The following PAPSS1 variants were observed in gnomAD, a reference collection of about 807,000 sequenced individuals.
PAPSS1 encodes the protein 3'-phosphoadenosine 5'-phosphosulfate synthase 1.
A neutral mutation model predicts 72.0 loss-of-function variants in PAPSS1; 50 were observed. The observed-to-expected ratio is 0.69, with a 90% CI of 0.55 to 0.88. The LOEUF (loss-of-function observed/expected upper bound fraction) is 0.88. Ranked by LOEUF, PAPSS1 falls within the 40% of genes least tolerant of loss-of-function variation. The probability of loss-of-function intolerance (pLI) is 0.00; values close to 1 mark genes in which losing one functional copy is unlikely to be tolerated. For missense variants in PAPSS1, 657 were observed against 782.2 expected, an observed-to-expected ratio of 0.84 and a Z score of 1.91; for synonymous variants, 261 against 263.6, an observed-to-expected ratio of 0.99 and a Z score of 0.09.
intron 5 of PAPSS1, among the ~76,000 whole-genome samples, chr4:107,680,109 G>A (rs1224983287): frequency 2.6e-5 from 4 of 151,954 alleles, no homozygotes; most frequent in Non-Finnish European, 5.9e-5. Flanking sequence ...TGTAACTAGA[G>A]TCCCAGAAGA....
At chr4:107,665,016 G>A (rs1408144600) in intron 5 of PAPSS1, among the ~76,000 whole-genome samples, 1 of 152,098 alleles carries the variant, frequency 6.6e-6, no homozygotes, top group African/African-American at 2.4e-5. Flanking sequence ...AAATTCTTCT[G>A]ATACCTAACC....
chr4:107,649,143 G>A (rs1046507315), intron 9 of PAPSS1, among the ~76,000 whole-genome samples: 1 of 152,214 alleles, frequency 6.6e-6, no homozygotes, highest in African/African-American at 2.4e-5. Context: ...GGGAGCACAG[G>A]TGTCCCTCAG....
chr4:107,618,799 T>C (rs545452297), intron 11 of PAPSS1, among the ~76,000 whole-genome samples: 48 of 152,218 alleles, frequency 3.2e-4, no homozygotes, highest in African/African-American at 1.1e-3. Flanking sequence ...GGACAAGACT[T>C]AGCAAGCAGA....
chr4:107,701,321 T>G, intron 1 of PAPSS1, 36 bp from the exon 2 acceptor site: 2 of 1,321,068 alleles, frequency 1.5e-6, no homozygotes, highest in Non-Finnish European at 2.2e-6. Context: ...CTAGTTTACA[T>G]GAGTCCTTTA....
chr4:107,718,144 C>A (rs925761644), intron 1 of PAPSS1, among the ~76,000 whole-genome samples: 3 of 152,182 alleles, frequency 2.0e-5, no homozygotes, highest in Admixed American at 1.3e-4. Context: ...TATATGGGTT[C>A]TTCACACTTG....
At chr4:107,685,568 T>C (rs1361765160) in intron 4 of PAPSS1, among the ~76,000 whole-genome samples, 1 of 152,190 alleles carries the variant, frequency 6.6e-6, no homozygotes, top group Non-Finnish European at 1.5e-5. Context: ...ATTGTCATAA[T>C]TATTCTGGTT....
At chr4:107,703,990 T>C (rs1723273873) in intron 1 of PAPSS1, among the ~76,000 whole-genome samples, 1 of 152,224 alleles carries the variant, frequency 6.6e-6, no homozygotes, top group African/African-American at 2.4e-5. Context: ...ATACATACAA[T>C]GTTTCCTTTT....
At position 107,631,614 on chromosome 4, in the gene PAPSS1, G is replaced by A; in HGVS notation, c.1736+17C>T. On this transcript the variant is annotated intron_variant, in intron 11 of 11. Transcript: ENST00000265174. ...ACGAAGTACTTCAAAGATTTGTACAGAGAATGTAAGACTTACTGTTCAGAG... is the reference window on the plus strand; with the variant it reads ...ACGAAGTACTTCAAAGATTTGTACAAAGAATGTAAGACTTACTGTTCAGAG... 1 of 1,557,300 alleles carries A rather than the reference G, an allele frequency of 6.4e-7. No individual in the cohort carries two copies. Among genetic ancestry groups the A allele is most frequent in the Middle Eastern group, 1.7e-4 (1 of 5,906 alleles).
intron 5 of PAPSS1, among the ~76,000 whole-genome samples, chr4:107,667,915 C>T (rs1727365453): frequency 6.6e-6 from 1 of 152,100 alleles, no homozygotes; most frequent in African/African-American, 2.4e-5. Flanking sequence ...TCTTTCCAAC[C>T]CAGATAGTGT....
At chr4:107,669,398 T>C (rs973368620) in intron 5 of PAPSS1, among the ~76,000 whole-genome samples, 2 of 152,236 alleles carry the variant, frequency 1.3e-5, no homozygotes, top group African/African-American at 2.4e-5. Context: ...ATTGCATTTT[T>C]AAATTCTACA....
chr4:107,719,913 G>C (rs980346422), intron 1 of PAPSS1: 22 of 1,366,496 alleles, frequency 1.6e-5, no homozygotes, highest in East Asian at 3.1e-5. Flanking sequence ...GCTGCGCCAA[G>C]CTAGGGCGAG....
intron 9 of PAPSS1, among the ~76,000 whole-genome samples, chr4:107,648,437 A>T (rs1161908824): frequency 6.6e-6 from 1 of 152,174 alleles, no homozygotes. Flanking sequence ...ATGAGGTGAT[A>T]AGCAGGGCAG....
At chr4:107,695,944 C>G (rs1023774777) in intron 2 of PAPSS1, among the ~76,000 whole-genome samples, 6 of 151,746 alleles carry the variant, frequency 4.0e-5, no homozygotes, top group African/African-American at 1.5e-4. Context: ...AAAGAAGACA[C>G]TTAGGTGGCC....
intron 10 of PAPSS1, 117 bp from the exon 11 acceptor site, chr4:107,631,977 A>C (rs1019390129): frequency 2.8e-6 from 2 of 709,150 alleles, no homozygotes; most frequent in Non-Finnish European, 2.3e-6. Context: ...GGAAATCTCA[A>C]CAAATTTAGA....
intron 11 of PAPSS1, among the ~76,000 whole-genome samples, chr4:107,623,735 A>T (rs1726025744): frequency 6.6e-6 from 1 of 152,146 alleles, no homozygotes; most frequent in South Asian, 2.1e-4. Flanking sequence ...TGTATTTTCT[A>T]TCCCCATCTA....
intron 11 of PAPSS1, among the ~76,000 whole-genome samples, chr4:107,618,088 T>G (rs958562918): frequency 4.2e-4 from 64 of 152,012 alleles, no homozygotes; most frequent in Admixed American, 1.4e-3. Flanking sequence ...AAACTGAGTT[T>G]GAGAAAATGG....
At chr4:107,683,797 T>C (rs1165394575) in intron 4 of PAPSS1, among the ~76,000 whole-genome samples, 1 of 152,268 alleles carries the variant, frequency 6.6e-6, no homozygotes, top group East Asian at 1.9e-4. Flanking sequence ...CCCCTGAATA[T>C]ACACAATCTT....
intron 6 of PAPSS1, 60 bp downstream of exon 6, chr4:107,659,899 T>C: frequency 1.1e-6 from 1 of 921,330 alleles, no homozygotes; most frequent in Admixed American, 2.4e-5. Context: ...AGTCACAAAT[T>C]TAACAAACTA....
chr4:107,614,013 T>C lies in PAPSS1; in HGVS notation c.*236A>G, dbSNP rs1334419979. On this transcript the variant is annotated 3_prime_UTR_variant, in exon 12 of 12. Transcript: ENST00000265174. The stretch of plus-strand genomic sequence containing the variant: ...ATAATATAAAAAGACAATTTTAAAA[T>C]TGTATTGTAGGAATATAACTATAAT... The C allele has an allele frequency of 6.1e-6, 2 of 325,664 alleles. No homozygotes were observed. The highest frequency in any genetic ancestry group is 1.1e-5 in the Non-Finnish European group (2 of 181,434). 20.2% of individuals were successfully genotyped at this position (325,664 alleles called of 1,614,324 possible). A position where few individuals can be genotyped will look rare whatever the true frequency, so the allele number is the denominator to read the frequency against.
Sources: gnomAD v4.1 joint callset for allele counts (sites outside exome capture counted in the v4.1 genomes callset) on GRCh38, gnomAD v4.1.1 for gene constraint, MANE v1.5 for transcripts, NCBI Gene and HGNC (gene_info 2026-07-23, HGNC 2026-07-21) for gene names.